USO1: variants seen among roughly 807,000 people sequenced by gnomAD.
USO1 encodes USO1 vesicle transport factor.
USO1 carries 57 observed loss-of-function variants against 124.5 expected under a neutral mutation model. That is an observed-to-expected ratio of 0.46 (90% confidence interval 0.37 to 0.57). The LOEUF (loss-of-function observed/expected upper bound fraction) is 0.57. USO1 is among the 20% of genes least tolerant of loss of function. The probability of loss-of-function intolerance (pLI) is 0.00; values close to 1 mark genes in which losing one functional copy is unlikely to be tolerated. For missense variants in USO1, 900 were observed against 1,040.6 expected (o/e 0.86, Z 1.86); for synonymous variants, 369 against 362.8 (o/e 1.02, Z -0.19).
In USO1 at chr4:75,808,955, A is replaced by T. The variant is rs543755003; in HGVS notation, c.2379A>T (p.Glu793Asp). Residue 793 changes from glutamate (E) to aspartate (D), a missense_variant and splice_region_variant, in exon 21 of 24, where the codon GAA becomes GAT. This residue lies in a region of USO1 where 362 missense variants were observed against 359.0 expected (regional missense o/e 1.01). Transcript: ENST00000514213. ...ACTCAACTATTTTTGTCTCTTAGGAACTGGCAACTTTAAAGTCTCAGTTAA... is the reference window on the plus strand; with the variant it reads ...ACTCAACTATTTTTGTCTCTTAGGATCTGGCAACTTTAAAGTCTCAGTTAA... The part of the protein sequence containing the change: ...DSEQVAELKQ[E>D]LATLKSQLNS... 1.3e-6 allele frequency: 2 copies of T among 1,595,476 alleles called. No individual in the cohort carries two copies. The highest frequency in any genetic ancestry group is 1.3e-5 in the African/African-American group (1 of 74,630).
chr4:75,767,523 T>A (rs1386392069), intron 4 of USO1: 1 of 403,536 alleles, frequency 2.5e-6, no homozygotes, highest in South Asian at 1.8e-5. Flanking sequence ...GGCAGGCGGA[T>A]CACAAGGTCA....
At chr4:75,806,666 C>G in intron 20 of USO1, 94 bp downstream of exon 20, 2 of 1,432,416 alleles carry the variant, frequency 1.4e-6, no homozygotes, top group African/African-American at 2.9e-5. Context: ...ACTATATTAG[C>G]AGATGTAAGT....
At chr4:75,786,204 A>G (rs1259030737) in intron 9 of USO1, among the ~76,000 whole-genome samples, 1 of 152,156 alleles carries the variant, frequency 6.6e-6, no homozygotes, top group African/African-American at 2.4e-5. Flanking sequence ...TTCTTAGTGG[A>G]GTCAATCCAT....
At chr4:75,807,541 A>G (rs917310129) in intron 20 of USO1, among the ~76,000 whole-genome samples, 6 of 152,174 alleles carry the variant, frequency 3.9e-5, no homozygotes, top group Admixed American at 6.5e-5. Context: ...GATAATGTCC[A>G]TGTACCTCAG....
intron 3 of USO1, among the ~76,000 whole-genome samples, 160 bp downstream of exon 3, chr4:75,752,764 G>A (rs926664577): frequency 9.2e-5 from 14 of 152,060 alleles, no homozygotes; most frequent in African/African-American, 4.8e-5. Context: ...GGGCTCAGGC[G>A]ATCTGCCCAC....
At chr4:75,761,591 TTTC>T (rs1223676335) in intron 4 of USO1, among the ~76,000 whole-genome samples, 2 of 152,234 alleles carry the variant, frequency 1.3e-5, no homozygotes, top group East Asian at 3.8e-4. Context: ...GTTACTGACA[TTTC>T]TTACCTTAAC....
intron 1 of USO1, among the ~76,000 whole-genome samples, chr4:75,738,664 G>GAGAT (rs750390549): frequency 9.5e-4 from 144 of 151,948 alleles, no homozygotes; most frequent in Non-Finnish European, 1.6e-3. Context: ...ATTTTTAATG[G>GAGAT]AGATAGGGGT....
chr4:75,770,518 T>G lies in USO1; in HGVS notation c.375T>G (p.Thr125=). 1.3e-6 allele frequency: 2 copies of G among 1,586,644 alleles called. No individual in the cohort carries two copies. Among genetic ancestry groups the G allele is most frequent in the Non-Finnish European group, 1.7e-6 (2 of 1,165,778 alleles). Residue 125 remains threonine, a synonymous_variant, in exon 5 of 24, where the codon ACT becomes ACG. Coordinates refer to ENST00000514213, the MANE Select transcript of USO1 (RefSeq NM_003715.4). The part of the protein sequence containing the change: ...EIFIKQQENV[T]LLLSLLEEFD... ...TCATTAAGCAGCAGGAAAATGTCAC[T>G]CTTCTGTTATCTTTATTGGAGGTAA... is the stretch of plus-strand genomic sequence containing the variant.
intron 3 of USO1, among the ~76,000 whole-genome samples, chr4:75,753,107 T>TTAA (rs1375788980): frequency 2.0e-5 from 3 of 152,156 alleles, no homozygotes; most frequent in African/African-American, 7.2e-5. Context: ...GAGTTAAGTG[T>TTAA]TAAATATGAG....
chr4:75,753,032 A>G (rs1266742963), intron 3 of USO1, among the ~76,000 whole-genome samples: 1 of 149,690 alleles, frequency 6.7e-6, no homozygotes, highest in African/African-American at 2.5e-5. Flanking sequence ...ATATTCATTT[A>G]CATATAATAT....
chr4:75,757,667 A>G (rs1560442580), intron 4 of USO1, 94 bp downstream of exon 4: 2 of 1,177,098 alleles, frequency 1.7e-6, no homozygotes, highest in African/African-American at 1.6e-5. Flanking sequence ...TTGTTTTATA[A>G]ATGTATAAGT....
intron 1 of USO1, among the ~76,000 whole-genome samples, chr4:75,736,265 T>A (rs1216128317): frequency 6.6e-6 from 1 of 151,752 alleles, no homozygotes; most frequent in East Asian, 1.9e-4. Context: ...TTTATTCTTA[T>A]TTACATAAAT....
At chr4:75,745,801 G>A (rs1445843891) in intron 1 of USO1, among the ~76,000 whole-genome samples, 8 of 152,282 alleles carry the variant, frequency 5.3e-5, no homozygotes, top group African/African-American at 1.9e-4. Flanking sequence ...TCAGGAGGCT[G>A]AGGTGAGAGA....
At chr4:75,773,373 A>G (rs1401118210) in intron 7 of USO1, among the ~76,000 whole-genome samples, 1 of 151,532 alleles carries the variant, frequency 6.6e-6, no homozygotes, top group Non-Finnish European at 1.5e-5. Flanking sequence ...ACTAAAATAT[A>G]CTAAGACCTT....
chr4:75,810,786 A>G (rs944759747), intron 22 of USO1, among the ~76,000 whole-genome samples: 2 of 152,248 alleles, frequency 1.3e-5, no homozygotes, highest in African/African-American at 4.8e-5. Context: ...ACTGGAGTAC[A>G]GTGGCGCGAT....
intron 13 of USO1, among the ~76,000 whole-genome samples, chr4:75,796,002 G>T (rs1053429555): frequency 6.6e-6 from 1 of 151,964 alleles, no homozygotes; most frequent in Non-Finnish European, 1.5e-5. Flanking sequence ...TTTGGGCATG[G>T]GTTTCAGTTG....
chr4:75,801,474 T>A (rs540621738), intron 17 of USO1, among the ~76,000 whole-genome samples: 7 of 152,338 alleles, frequency 4.6e-5, no homozygotes, highest in African/African-American at 1.7e-4. Flanking sequence ...TGAACTTTCA[T>A]TACTTGCATT....
intron 1 of USO1, among the ~76,000 whole-genome samples, chr4:75,741,448 T>G (rs1222976477): frequency 1.3e-5 from 2 of 152,198 alleles, no homozygotes; most frequent in Non-Finnish European, 2.9e-5. Context: ...GACCTTAGTT[T>G]ACTATAACTT....
chr4:75,793,616 G>C, intron 12 of USO1, 74 bp from the exon 13 acceptor site: 1 of 1,527,864 alleles, frequency 6.5e-7, no homozygotes, highest in South Asian at 1.2e-5. Context: ...TATGTGTACA[G>C]AAAACAATTT....
Sources: allele counts gnomAD v4.1 joint callset (sites outside exome capture counted in the v4.1 genomes callset), GRCh38; gene constraint gnomAD v4.1.1; regional missense constraint gnomAD v4.1.1; transcripts MANE v1.5; gene names NCBI Gene and HGNC (gene_info 2026-07-23, HGNC 2026-07-21).